The following CNTNAP2 variants were observed in gnomAD, a reference collection of about 807,000 sequenced individuals.
CNTNAP2 encodes contactin-associated protein-like 2.
CNTNAP2 carries 98 observed loss-of-function variants against 155.2 expected under a neutral mutation model. That is an observed-to-expected ratio of 0.63 (90% CI 0.54 to 0.75). The LOEUF is 0.75. Ranked by LOEUF, CNTNAP2 falls within the 30% of genes least tolerant of loss-of-function variation. The pLI is 0.00. For missense variants in CNTNAP2, 1,727 were observed against 1,688.1 expected, an observed-to-expected ratio of 1.02 and a Z score of -0.40; for synonymous variants, 651 against 631.2, an observed-to-expected ratio of 1.03 and a Z score of -0.47.
At chr7:147,451,391 C>T (rs1042873925) in intron 10 of CNTNAP2, among the ~76,000 whole-genome samples, 1 of 152,144 alleles carries the variant, frequency 6.6e-6, no homozygotes, top group South Asian at 2.1e-4. Flanking sequence ...GCTTAAGGAA[C>T]CAAATTTGCA....
chr7:146,464,927 A>G (rs1174072780), intron 1 of CNTNAP2, among the ~76,000 whole-genome samples: 3 of 152,102 alleles, frequency 2.0e-5, no homozygotes, highest in Admixed American at 6.6e-5. Flanking sequence ...CTTGGACCCC[A>G]TCAACTTTAC....
intron 2 of CNTNAP2, among the ~76,000 whole-genome samples, chr7:146,799,537 C>A (rs1023285960): frequency 1.3e-5 from 2 of 152,132 alleles, no homozygotes; most frequent in African/African-American, 4.8e-5. Context: ...GACTTACATG[C>A]ACATTAAAGT....
chr7:146,657,030 C>G (rs1184494076), intron 1 of CNTNAP2, among the ~76,000 whole-genome samples: 1 of 152,164 alleles, frequency 6.6e-6, no homozygotes, highest in Non-Finnish European at 1.5e-5. Flanking sequence ...GATTAAGCTA[C>G]TAATGAAGAC....
chr7:147,469,119 G>T (rs1043856016), intron 10 of CNTNAP2, among the ~76,000 whole-genome samples: 1 of 152,010 alleles, frequency 6.6e-6, no homozygotes, highest in Non-Finnish European at 1.5e-5. Context: ...TGCCGTGACA[G>T]CCAAAAACTG....
At chr7:147,538,808 T>C (rs532451407) in intron 11 of CNTNAP2, among the ~76,000 whole-genome samples, 80 of 152,284 alleles carry the variant, frequency 5.3e-4, no homozygotes, top group African/African-American at 1.5e-3. Flanking sequence ...TAACTTTTTT[T>C]CTCTACTTAG....
intron 15 of CNTNAP2, among the ~76,000 whole-genome samples, chr7:147,981,937 A>C (rs1801538524): frequency 6.6e-6 from 1 of 152,110 alleles, no homozygotes; most frequent in African/African-American, 2.4e-5. Context: ...AAGTGCTGTG[A>C]AAATACAAAT....
chr7:146,474,999 A>ACGCGCG (rs549568997), intron 1 of CNTNAP2, among the ~76,000 whole-genome samples: 2 of 138,510 alleles, frequency 1.4e-5, no homozygotes, highest in African/African-American at 5.2e-5. Flanking sequence ...ACGAGCGCGC[A>ACGCGCG]CGCGCGCGCG....
At chr7:146,987,261 CT>C (rs1411420998) in intron 3 of CNTNAP2, among the ~76,000 whole-genome samples, 1 of 151,816 alleles carries the variant, frequency 6.6e-6, no homozygotes, top group Non-Finnish European at 1.5e-5. Flanking sequence ...AGGTATTATC[CT>C]TTTTTGTAAA....
At chr7:146,912,696 T>C (rs1471165177) in intron 3 of CNTNAP2, among the ~76,000 whole-genome samples, 5 of 152,182 alleles carry the variant, frequency 3.3e-5, no homozygotes, top group South Asian at 2.1e-4. Flanking sequence ...ATTTGTGGCA[T>C]AATTTTCTTA....
chr7:146,921,401 C>T (rs538825185), intron 3 of CNTNAP2, among the ~76,000 whole-genome samples: 18 of 152,240 alleles, frequency 1.2e-4, no homozygotes, highest in African/African-American at 3.9e-4. Context: ...GCCAGAACAT[C>T]CTTCGTTTGT....
At chr7:146,551,678 T>C (rs1382438018) in intron 1 of CNTNAP2, among the ~76,000 whole-genome samples, 3 of 152,154 alleles carry the variant, frequency 2.0e-5, no homozygotes, top group Admixed American at 2.0e-4. Context: ...TCTCTTGTTA[T>C]ATAAGTAGTG....
chr7:146,351,415 T>G (rs1794913200), intron 1 of CNTNAP2, among the ~76,000 whole-genome samples: 1 of 152,196 alleles, frequency 6.6e-6, no homozygotes, highest in South Asian at 2.1e-4. Context: ...TTGCTTATTT[T>G]AAAGAAAAAT....
At chr7:147,369,714 A>G (rs1796310459) in intron 9 of CNTNAP2, among the ~76,000 whole-genome samples, 1 of 152,186 alleles carries the variant, frequency 6.6e-6, no homozygotes, top group Non-Finnish European at 1.5e-5. Context: ...CTAACAACAG[A>G]TTGCACTTGG....
At chr7:148,305,220 CTCAAAAAAAAAAA>C (rs1797468631) in intron 21 of CNTNAP2, among the ~76,000 whole-genome samples, 1 of 44,352 alleles carries the variant, frequency 2.3e-5, no homozygotes, top group South Asian at 1.3e-3. Flanking sequence ...AAGGCCCTGT[CTCAAAAAAAAAAA>C]AAAAAAAAAA....
At chr7:146,512,856 T>C (rs1006016370) in intron 1 of CNTNAP2, among the ~76,000 whole-genome samples, 1 of 151,998 alleles carries the variant, frequency 6.6e-6, no homozygotes, top group Non-Finnish European at 1.5e-5. Flanking sequence ...ATTTTCTGTC[T>C]GGATGATCTG....
chr7:148,375,205 T>C (rs1798959800), intron 21 of CNTNAP2, among the ~76,000 whole-genome samples: 1 of 151,478 alleles, frequency 6.6e-6, no homozygotes, highest in South Asian at 2.1e-4. Context: ...ACTGTGTAAT[T>C]ACAACTATAT....
At chr7:147,174,662 G>T (rs1004821991) in intron 8 of CNTNAP2, among the ~76,000 whole-genome samples, 15 of 151,836 alleles carry the variant, frequency 9.9e-5, no homozygotes, top group Non-Finnish European at 2.2e-4. Flanking sequence ...TTAGACTCTG[G>T]GCCATTTTGG....
chr7:147,215,578 T>C (rs949021788), intron 8 of CNTNAP2, among the ~76,000 whole-genome samples: 1 of 152,212 alleles, frequency 6.6e-6, no homozygotes, highest in East Asian at 1.9e-4. Flanking sequence ...AGTTCATTTA[T>C]CCATTCACCT....
chr7:148,239,418 G>A (rs975343102), intron 20 of CNTNAP2, among the ~76,000 whole-genome samples: 3 of 152,194 alleles, frequency 2.0e-5, no homozygotes, highest in Non-Finnish European at 4.4e-5. Flanking sequence ...AGAAGAGAGA[G>A]GGCTACATAT....
Sources: allele counts gnomAD v4.1 joint callset (sites outside exome capture counted in the v4.1 genomes callset), GRCh38; gene constraint gnomAD v4.1.1; transcripts MANE v1.5; gene names NCBI Gene and HGNC (gene_info 2026-07-23, HGNC 2026-07-21).